The following CPS1 variants were observed in gnomAD, a reference collection of about 807,000 sequenced individuals.
The protein encoded by CPS1 is carbamoyl-phosphate synthase 1.
In CPS1, 109 loss-of-function variants were observed where a neutral mutation model predicts 174.6. That is an observed-to-expected ratio of 0.62 (90% CI 0.53 to 0.73). The LOEUF is 0.73. CPS1 is among the 30% of genes least tolerant of loss of function. The probability of loss-of-function intolerance (pLI) is 0.00; values close to 1 mark genes in which losing one functional copy is unlikely to be tolerated. For missense variants in CPS1, 1,689 were observed against 1,821.9 expected, an observed-to-expected ratio of 0.93 and a Z score of 1.33; for synonymous variants, 637 against 632.0, an observed-to-expected ratio of 1.01 and a Z score of -0.12.
intron 1 of CPS1, among the ~76,000 whole-genome samples, chr2:210,562,330 G>A (rs1217107381): frequency 6.6e-6 from 1 of 152,134 alleles, no homozygotes; most frequent in African/African-American, 2.4e-5. Context: ...AATGTTGTAA[G>A]ATTATTAACT....
Position 210,660,615 on chromosome 2 carries a change from T to G in CPS1, c.3887T>G (p.Leu1296Trp). 6.2e-7 allele frequency: 1 copy of G among 1,614,172 alleles called. No homozygotes were observed. The highest frequency in any genetic ancestry group is 8.5e-7 in the Non-Finnish European group (1 of 1,179,986). ...ENVDEKHLPT[L>W]DHPIIPADYV... Reference sequence around the variant, plus strand: ...GTTGATGAGAAACATCTTCCAACATTGGACCATCCCATAATTCCTGCTGAC... The same window carrying G: ...GTTGATGAGAAACATCTTCCAACATGGGACCATCCCATAATTCCTGCTGAC... Residue 1296 changes from leucine (L) to tryptophan (W), a missense_variant, in exon 32 of 38, where the codon TTG (leucine) becomes TGG (tryptophan). By Grantham distance (61) the Leu-to-Trp change is moderately conservative. Transcript: ENST00000233072.
intron 21 of CPS1, among the ~76,000 whole-genome samples, chr2:210,633,832 A>C (rs1699945607): frequency 6.6e-6 from 1 of 152,230 alleles, no homozygotes; most frequent in Non-Finnish European, 1.5e-5. Flanking sequence ...TTATCTTAGC[A>C]TTTGAAGAAC....
chr2:210,613,305 C>T (rs1699192993), intron 20 of CPS1, among the ~76,000 whole-genome samples: 27 of 151,882 alleles, frequency 1.8e-4, no homozygotes, highest in Admixed American at 1.8e-3. Context: ...TCCTTAATTG[C>T]ATCCAATGTA....
chr2:210,605,798 T>C (rs1356943461), intron 17 of CPS1, among the ~76,000 whole-genome samples: 2 of 151,904 alleles, frequency 1.3e-5, no homozygotes, highest in Non-Finnish European at 2.9e-5. Flanking sequence ...TGGAAACTGT[T>C]GGCATAAAAG....
At chr2:210,674,484 CAAA>C (rs771522432) in intron 34 of CPS1, 11 of 75,020 alleles carry the variant, frequency 1.5e-4, no homozygotes, top group Non-Finnish European at 1.9e-4. Context: ...AAAAAAAAAC[CAAA>C]AAAAAAAAAA....
At chr2:210,648,436 C>G (rs1199429594) in intron 26 of CPS1, 37 bp from the exon 27 acceptor site, 6 of 1,518,690 alleles carry the variant, frequency 4.0e-6, no homozygotes, top group Non-Finnish European at 5.5e-6. Context: ...ATATTTTAAA[C>G]TACTCATACA....
At chr2:210,504,798 T>G (rs1299726288) in intron 1 of CPS1, among the ~76,000 whole-genome samples, 1 of 152,228 alleles carries the variant, frequency 6.6e-6, no homozygotes, top group Non-Finnish European at 1.5e-5. Flanking sequence ...GCATACCCAC[T>G]TCTTACTGGC....
At chr2:210,669,300 T>G (rs1164220291) in intron 34 of CPS1, among the ~76,000 whole-genome samples, 1 of 152,134 alleles carries the variant, frequency 6.6e-6, no homozygotes, top group East Asian at 1.9e-4. Context: ...ATAAATTTCC[T>G]GAAAAAATAC....
intron 1 of CPS1, among the ~76,000 whole-genome samples, chr2:210,570,699 T>A (rs944179014): frequency 5.9e-5 from 9 of 151,980 alleles, no homozygotes; most frequent in Admixed American, 2.6e-4. Flanking sequence ...TTTCTTTTTC[T>A]TTTCATTTTG....
At chr2:210,626,617 G>A (rs1046032286) in intron 21 of CPS1, among the ~76,000 whole-genome samples, 1 of 152,130 alleles carries the variant, frequency 6.6e-6, no homozygotes, top group Non-Finnish European at 1.5e-5. Flanking sequence ...TTATATACAT[G>A]TAGGCAGTAT....
intron 1 of CPS1, chr2:210,519,835 A>G: frequency 1.0e-6 from 1 of 967,768 alleles, no homozygotes; most frequent in Non-Finnish European, 1.2e-6. Context: ...AAAGTTCCTA[A>G]TGAAAAAATG....
Position 210,639,082 on chromosome 2 carries a change from A to C in CPS1, c.2830-68A>C, listed in dbSNP as rs1411660832. The C allele has an allele frequency of 5.3e-6, 7 of 1,326,188 alleles. No individual in the cohort carries two copies. In the Admixed American group the frequency reaches 1.1e-4, roughly 21 times the overall value. 82.2% of individuals were successfully genotyped at this position (1,326,188 alleles called of 1,614,324 possible). ...TAAAGGAATATGTATATAAAGCACA[A>C]AAAATTTAGTCTTGAAAAAATTATA... On this transcript the variant is annotated intron_variant, in intron 22 of 37. Transcript: ENST00000233072.
chr2:210,509,226 A>C (rs1364559058), intron 1 of CPS1, among the ~76,000 whole-genome samples: 1 of 152,234 alleles, frequency 6.6e-6, no homozygotes, highest in South Asian at 2.1e-4. Flanking sequence ...CTGGTTCAAC[A>C]TATGCAAATC....
In CPS1 at chr2:210,582,608, A is replaced by T. The variant is rs1172362824; in HGVS notation, c.529-9A>T. On this transcript the variant is annotated splice_polypyrimidine_tract_variant and intron_variant, in intron 5 of 37. Transcript: ENST00000233072. Reference sequence around the variant, plus strand: ...TCCTTTTAACTGTCTAATTTTTTTAATTTGATAGGGTACCATGCTTGGGAA... The same window carrying T: ...TCCTTTTAACTGTCTAATTTTTTTATTTTGATAGGGTACCATGCTTGGGAA... 2 of 1,609,122 alleles carry T rather than the reference A, an allele frequency of 1.2e-6. No individual in the cohort carries two copies. The highest frequency in any genetic ancestry group is 1.7e-6 in the Non-Finnish European group (2 of 1,175,748).
intron 13 of CPS1, among the ~76,000 whole-genome samples, chr2:210,596,173 C>A (rs1166603460): frequency 1.3e-5 from 2 of 151,930 alleles, no homozygotes; most frequent in Non-Finnish European, 2.9e-5. Flanking sequence ...GGACATCCTT[C>A]CTGTTTCTTT....
upstream of CPS1, among the ~76,000 whole-genome samples, chr2:210,555,236 C>T (rs543132063): frequency 6.6e-6 from 1 of 152,008 alleles, no homozygotes; most frequent in Non-Finnish European, 1.5e-5. Context: ...TGGGTTTTTT[C>T]CCCTCTTTAT....
intron 1 of CPS1, among the ~76,000 whole-genome samples, chr2:210,521,122 T>G (rs1372603781): frequency 6.6e-6 from 1 of 152,080 alleles, no homozygotes; most frequent in African/African-American, 2.4e-5. Flanking sequence ...AAGGCTAGTC[T>G]TTCAAATTGT....
intron 1 of CPS1, among the ~76,000 whole-genome samples, chr2:210,523,874 A>T (rs1695899128): frequency 2.6e-5 from 4 of 152,070 alleles, no homozygotes; most frequent in African/African-American, 4.8e-5. Context: ...TCTTTACTAG[A>T]GGCAGTGGCT....
intron 5 of CPS1, 52 bp downstream of exon 5, chr2:210,579,822 G>GTGTGTGTT (rs1697854582): frequency 7.0e-7 from 1 of 1,434,640 alleles, no homozygotes; most frequent in Non-Finnish European, 9.8e-7. Flanking sequence ...GTGTGTGTGT[G>GTGTGTGTT]TGTGTGTGTG....
Sources: gnomAD v4.1 joint callset for allele counts (sites outside exome capture counted in the v4.1 genomes callset) on GRCh38, gnomAD v4.1.1 for gene constraint, MANE v1.5 for transcripts, NCBI Gene and HGNC (gene_info 2026-07-23, HGNC 2026-07-21) for gene names.